The following LIPH variants were observed in gnomAD, a reference collection of about 807,000 sequenced individuals.
LIPH encodes lipase member H.
LIPH carries 32 observed loss-of-function variants against 47.6 expected under a neutral mutation model. The observed-to-expected ratio is 0.67, with a 90% CI of 0.51 to 0.90. The LOEUF is 0.90. LIPH is among the 40% of genes least tolerant of loss of function. LIPH has a pLI of 0.00. For missense variants in LIPH, 497 were observed against 541.4 expected, an observed-to-expected ratio of 0.92 and a Z score of 0.81; for synonymous variants, 190 against 195.6, an observed-to-expected ratio of 0.97 and a Z score of 0.24.
At chr3:185,541,956 C>T (rs2148963791) in intron 1 of LIPH, among the ~76,000 whole-genome samples, 1 of 151,216 alleles carries the variant, frequency 6.6e-6, no homozygotes, top group African/African-American at 2.4e-5. Context: ...AGGTTTTCGC[C>T]ATGTTGGCCA....
At chr3:185,511,859 T>C (rs2148946343) in intron 8 of LIPH, among the ~76,000 whole-genome samples, 162 bp from the exon 9 acceptor site, 1 of 151,318 alleles carries the variant, frequency 6.6e-6, no homozygotes, top group Admixed American at 6.6e-5. Context: ...GTTCACACTG[T>C]TGCCCAGGCT....
chr3:185,537,235 C>T (rs185272579), intron 1 of LIPH, among the ~76,000 whole-genome samples: 75 of 152,194 alleles, frequency 4.9e-4, no homozygotes, highest in Non-Finnish European at 6.3e-4. Context: ...TTATCTGCAT[C>T]CTCTGTTTAG....
At chr3:185,526,666 TATA>T (rs1468662101) in intron 4 of LIPH, among the ~76,000 whole-genome samples, 2 of 88,164 alleles carry the variant, frequency 2.3e-5, no homozygotes, top group African/African-American at 8.2e-5. Flanking sequence ...TAAAAAATAA[TATA>T]ATATAATATA....
At chr3:185,544,004 C>T (rs1463080680) in intron 1 of LIPH, among the ~76,000 whole-genome samples, 5 of 151,994 alleles carry the variant, frequency 3.3e-5, no homozygotes, top group South Asian at 4.1e-4. Context: ...GTGCATGCCA[C>T]CACGCCCAGC....
intron 3 of LIPH, among the ~76,000 whole-genome samples, chr3:185,530,252 T>G (rs1035649554): frequency 2.6e-5 from 4 of 151,254 alleles, no homozygotes; most frequent in African/African-American, 9.7e-5. Context: ...GCTGAGGTGG[T>G]TGGATCACCT....
chr3:185,538,956 C>T (rs1427300622), intron 1 of LIPH, among the ~76,000 whole-genome samples: 1 of 142,116 alleles, frequency 7.0e-6, no homozygotes, highest in Admixed American at 7.3e-5. Context: ...CATATATATA[C>T]ACATATATAT....
intron 3 of LIPH, among the ~76,000 whole-genome samples, chr3:185,529,928 A>C (rs1316514564): frequency 2.2e-5 from 1 of 45,470 alleles, no homozygotes. Context: ...GAAAGAAAGA[A>C]AGAAAGAAAG....
chr3:185,548,313 G>T (rs1312127953), intron 1 of LIPH, among the ~76,000 whole-genome samples: 1 of 151,922 alleles, frequency 6.6e-6, no homozygotes, highest in Non-Finnish European at 1.5e-5. Flanking sequence ...GCTGAGGCAG[G>T]AGAATTGCTA....
rs530511882 is a variant in LIPH at position 185,508,470 on chromosome 3, G to A, written c.*320C>T. The A allele has an allele frequency of 2.6e-5, 9 of 352,774 alleles. 1 individual carries two copies. Among genetic ancestry groups the A allele is most frequent in the South Asian group, 1.8e-4 (6 of 33,842 alleles). The allele number at this position is 352,774 out of a possible 1,614,324, so 21.9% of individuals were successfully genotyped here. A position where few individuals can be genotyped will look rare whatever the true frequency, so the allele number is the denominator to read the frequency against. On this transcript the variant is annotated 3_prime_UTR_variant, in exon 10 of 10. Transcript: ENST00000296252. ...TTGAAGATGCTTGACCCGCAGCCGCGATGGGCAGAACCACCCGCGTGACAG... is the reference window on the plus strand; with the variant it reads ...TTGAAGATGCTTGACCCGCAGCCGCAATGGGCAGAACCACCCGCGTGACAG...
At chr3:185,543,593 A>T (rs542461623) in intron 1 of LIPH, among the ~76,000 whole-genome samples, 1 of 152,290 alleles carries the variant, frequency 6.6e-6, no homozygotes, top group East Asian at 1.9e-4. Context: ...AACAGGCTGG[A>T]TATAAAAATT....
At chr3:185,543,889 CCCCCAGGCTG>C (rs1227982045) in intron 1 of LIPH, among the ~76,000 whole-genome samples, 1 of 102,890 alleles carries the variant, frequency 9.7e-6, no homozygotes, top group East Asian at 2.2e-4. Flanking sequence ...TCACTCTTGT[CCCCCAGGCTG>C]GAGTGCAATG....
chr3:185,521,994 A>T (rs1164643633), intron 5 of LIPH, among the ~76,000 whole-genome samples: 1 of 152,182 alleles, frequency 6.6e-6, no homozygotes, highest in Admixed American at 6.6e-5. Flanking sequence ...AGTAATGTAT[A>T]TATTGTACTT....
At chr3:185,540,257 T>G (rs1720660690) in intron 1 of LIPH, among the ~76,000 whole-genome samples, 1 of 152,216 alleles carries the variant, frequency 6.6e-6, no homozygotes, top group African/African-American at 2.4e-5. Context: ...TGCTATGTTT[T>G]CCAGGGTTAG....
intron 8 of LIPH, among the ~76,000 whole-genome samples, chr3:185,513,813 G>T (rs1368824090): frequency 6.6e-6 from 1 of 152,138 alleles, no homozygotes; most frequent in East Asian, 1.9e-4. Flanking sequence ...AGCCGAGGCG[G>T]GCAGATCATG....
At chr3:185,543,079 C>A (rs1218753886) in intron 1 of LIPH, among the ~76,000 whole-genome samples, 1 of 152,078 alleles carries the variant, frequency 6.6e-6, no homozygotes, top group Non-Finnish European at 1.5e-5. Flanking sequence ...CATGGTTGTA[C>A]AAGCCTGTAA....
intron 1 of LIPH, among the ~76,000 whole-genome samples, chr3:185,545,532 A>C (rs1680502563): frequency 6.6e-6 from 1 of 152,202 alleles, no homozygotes; most frequent in Non-Finnish European, 1.5e-5. Flanking sequence ...CATAAAGCTG[A>C]AAATATTTAC....
At chr3:185,538,792 T>C (rs947753029) in intron 1 of LIPH, among the ~76,000 whole-genome samples, 117 of 2,788 alleles carry the variant, frequency 0.042, 1 homozygote, top group Non-Finnish European at 0.22. Context: ...CATATATACA[T>C]ATATACACAC....
At chr3:185,521,112 C>T (rs1719887355) in intron 5 of LIPH, among the ~76,000 whole-genome samples, 1 of 152,104 alleles carries the variant, frequency 6.6e-6, no homozygotes, top group Non-Finnish European at 1.5e-5. Context: ...AGGTGATCTG[C>T]CCACCTCAGC....
chr3:185,523,860 C>T (rs1198403570), intron 5 of LIPH, among the ~76,000 whole-genome samples: 2 of 151,816 alleles, frequency 1.3e-5, no homozygotes, highest in African/African-American at 4.8e-5. Flanking sequence ...GTAGCTGGGA[C>T]TACAGGCATG....
Sources: gnomAD v4.1 joint callset for allele counts (sites outside exome capture counted in the v4.1 genomes callset) on GRCh38, gnomAD v4.1.1 for gene constraint, MANE v1.5 for transcripts, NCBI Gene and HGNC (gene_info 2026-07-23, HGNC 2026-07-21) for gene names.